ANKRD11: variants seen among roughly 807,000 people sequenced by gnomAD.
ANKRD11 encodes ankyrin repeat domain-containing protein 11.
A neutral mutation model predicts 195.7 loss-of-function variants in ANKRD11; 17 were observed. That is an observed-to-expected ratio of 0.09 (90% CI 0.06 to 0.13). The LOEUF (loss-of-function observed/expected upper bound fraction) is 0.13, where lower values mean the gene tolerates loss of function less well. Ranked by LOEUF, ANKRD11 falls within the 10% of genes least tolerant of loss-of-function variation. The probability of loss-of-function intolerance (pLI) is 1.00; values close to 1 mark genes in which losing one functional copy is unlikely to be tolerated. For synonymous variants in ANKRD11, 1,953 were observed against 1,528.1 expected, an observed-to-expected ratio of 1.28 and a Z score of -6.49; for missense variants, 3,735 against 3,566.1, an observed-to-expected ratio of 1.05 and a Z score of -1.21.
rs765858014 is a variant in ANKRD11, at chr16:89,280,275, C to A, written c.6267G>T (p.Val2089=). 2.5e-6 allele frequency: 4 copies of A among 1,608,852 alleles called. No individual in the cohort carries two copies. In the African/African-American group the frequency reaches 4.0e-5, roughly 16 times the overall value. Reference sequence around the variant, plus strand: ...GGGGCCCCAGAGCCTCCACCTGAGCCACAGCGGCTACACAGGCGGGCTCGG... The same window carrying A: ...GGGGCCCCAGAGCCTCCACCTGAGCAACAGCGGCTACACAGGCGGGCTCGG... The part of the protein sequence containing the change: ...VAPEPACVAA[V]AQVEALGPLE... Residue 2089 remains valine (V), a synonymous_variant, in exon 9 of 13, where the codon GTG becomes GTT. Transcript: ENST00000301030.
chr16:89,288,695 C>T (rs779736503), intron 6 of ANKRD11, 25 bp from the exon 7 acceptor site: 58 of 1,613,746 alleles, frequency 3.6e-5, no homozygotes, highest in Middle Eastern at 1.6e-4. Context: ...TCAGGACGTA[C>T]GTTATTTAAT....
chr16:89,348,987 G>A (rs539308421), intron 2 of ANKRD11, among the ~76,000 whole-genome samples: 3 of 151,140 alleles, frequency 2.0e-5, no homozygotes, highest in African/African-American at 7.3e-5. Context: ...AACTAGCCAG[G>A]AGTAGTAGAG....
chr16:89,375,047 G>A (rs2040359505), intron 2 of ANKRD11, among the ~76,000 whole-genome samples: 1 of 152,004 alleles, frequency 6.6e-6, no homozygotes, highest in Admixed American at 6.6e-5. Context: ...AATACTTACA[G>A]ACTGTACATG....
At chr16:89,428,397 G>A (rs1284320449) in intron 1 of ANKRD11, among the ~76,000 whole-genome samples, 3 of 151,928 alleles carry the variant, frequency 2.0e-5, no homozygotes, top group Non-Finnish European at 4.4e-5. Flanking sequence ...GTGGTGGCGG[G>A]CGCCTATAGT....
rs759678300 is a variant in ANKRD11, at chr16:89,381,794, G to A, written c.-60+36490C>T. Among the ~76,000 whole-genome samples the A allele has an allele frequency of 2.6e-5, 4 of 152,292 alleles. No individual in the cohort carries two copies. The South Asian group carries it at 8.3e-4, about 32-fold the overall frequency. On this transcript the variant is annotated intron_variant, in intron 2 of 12. Transcript: ENST00000301030. Reference sequence around the variant, plus strand: ...CACTTTGTGAACAAGTGTTCCCCGAGCACATTGACCCCACGCGAATGGGGG... The same window carrying A: ...CACTTTGTGAACAAGTGTTCCCCGAACACATTGACCCCACGCGAATGGGGG...
chr16:89,404,185 G>A (rs2041816789), intron 2 of ANKRD11, among the ~76,000 whole-genome samples: 1 of 152,186 alleles, frequency 6.6e-6, no homozygotes. Flanking sequence ...CGACCCACCA[G>A]CCTCAGGCAG....
At chr16:89,288,449 T>A in intron 7 of ANKRD11, 79 bp downstream of exon 7, 1 of 1,605,950 alleles carries the variant, frequency 6.2e-7, no homozygotes, top group Admixed American at 1.7e-5. Flanking sequence ...TGGAACCGGC[T>A]AGCTACGGGG....
rs192061548 is a variant in ANKRD11 at position 89,291,880 on chromosome 16, G to A, written c.227-697C>T. ...AGCACACCCTGCACTCATCTGACCC[G>A]TTACAGAACACTCGGCTGGCGTCTA... On this transcript the variant is annotated intron_variant, in intron 4 of 12. Transcript: ENST00000301030. This position sits in a 1 kb window ranked among gnomAD's most constrained non-coding sequence, Gnocchi z 5.3. The A allele has an allele frequency of 4.5e-4, 330 of 733,824 alleles. No homozygotes were observed. In the African/African-American group the frequency reaches 5.2e-3, roughly 12 times the overall value. The allele number at this position is 733,824 out of a possible 1,614,324, so 45.5% of individuals were successfully genotyped here.
chr16:89,285,966 T>C lies in ANKRD11; in HGVS notation c.892+73A>G. 1 of 1,609,140 alleles carries C rather than the reference T, an allele frequency of 6.2e-7. No homozygotes were observed. The highest frequency in any genetic ancestry group is 1.1e-5 in the South Asian group (1 of 90,864). On this transcript the variant is annotated intron_variant, in intron 8 of 12. Transcript: ENST00000301030. This position sits in a 1 kb window ranked among gnomAD's most constrained non-coding sequence, Gnocchi z 5.6. ...GAGGAGCTGATCAGAGGGGCAACACTGTGCAAACACCACAGGGCAGCTCCT... is the reference window on the plus strand; with the variant it reads ...GAGGAGCTGATCAGAGGGGCAACACCGTGCAAACACCACAGGGCAGCTCCT...
intron 2 of ANKRD11, among the ~76,000 whole-genome samples, chr16:89,389,385 T>C (rs2152121199): frequency 6.6e-6 from 1 of 151,992 alleles, no homozygotes; most frequent in Non-Finnish European, 1.5e-5. Flanking sequence ...AAAAAATTCC[T>C]GGGCATGTAA....
intron 1 of ANKRD11, among the ~76,000 whole-genome samples, chr16:89,489,943 C>T (rs1198742321): frequency 2.1e-5 from 3 of 142,446 alleles, no homozygotes; most frequent in African/African-American, 7.8e-5. Context: ...CCGACCCAAG[C>T]TCCGCCGACC....
intron 1 of ANKRD11, among the ~76,000 whole-genome samples, chr16:89,419,795 A>G (rs921672120): frequency 1.3e-5 from 2 of 150,390 alleles, no homozygotes; most frequent in Non-Finnish European, 2.9e-5. Flanking sequence ...TCCTCCTTAC[A>G]CTCCTGGAAG....
At chr16:89,478,669 G>A (rs568578590) in intron 1 of ANKRD11, among the ~76,000 whole-genome samples, 111 of 152,334 alleles carry the variant, frequency 7.3e-4, no homozygotes, top group African/African-American at 2.6e-3. Flanking sequence ...AGCCGGCTAC[G>A]CGCAGCTCTC....
chr16:89,478,717 A>G (rs1214689290), intron 1 of ANKRD11, among the ~76,000 whole-genome samples: 1 of 152,254 alleles, frequency 6.6e-6, no homozygotes, highest in Non-Finnish European at 1.5e-5. Context: ...AGCGGGTGGC[A>G]GTTTCTGCCC....
At chr16:89,287,092 T>C in intron 7 of ANKRD11, 1 of 1,289,846 alleles carries the variant, frequency 7.8e-7, no homozygotes, top group Non-Finnish European at 1.0e-6. Flanking sequence ...GGCAGGATCC[T>C]TCCTTTCCTC....
chr16:89,295,870 GATGT>G (rs2035390246), intron 4 of ANKRD11, among the ~76,000 whole-genome samples: 2 of 3,388 alleles, frequency 5.9e-4, no homozygotes, highest in Non-Finnish European at 9.1e-4. Context: ...GTGCAGGTGG[GATGT>G]GATGTGGGGG....
chr16:89,453,756 CAAG>C (rs747345921), intron 1 of ANKRD11, among the ~76,000 whole-genome samples: 18 of 152,100 alleles, frequency 1.2e-4, no homozygotes, highest in Non-Finnish European at 1.8e-4. Context: ...CTGACCTGTC[CAAG>C]AAGAAGAACA....
chr16:89,302,997 C>T (rs1022833537), intron 4 of ANKRD11, among the ~76,000 whole-genome samples: 2 of 152,124 alleles, frequency 1.3e-5, no homozygotes, highest in African/African-American at 2.4e-5. Context: ...AGACAGACCC[C>T]GGAAGCTTCT....
chr16:89,298,165 C>G (rs569623905), intron 4 of ANKRD11: 2 of 152,488 alleles, frequency 1.3e-5, no homozygotes, highest in African/African-American at 4.8e-5. Context: ...CAGCGGTCAC[C>G]ATGGTGAACA....
Sources: gnomAD v4.1 joint callset for allele counts (sites outside exome capture counted in the v4.1 genomes callset) on GRCh38, gnomAD v4.1.1 for gene constraint, Gnocchi (gnomAD v3.1) non-coding constraint, MANE v1.5 for transcripts, NCBI Gene and HGNC (gene_info 2026-07-23, HGNC 2026-07-21) for gene names.